The following RBFOX1 variants were observed in gnomAD, a reference collection of about 807,000 sequenced individuals.
The protein encoded by RBFOX1 is RNA binding fox-1 homolog 1, also known as RNA binding protein fox-1 homolog 1.
A neutral mutation model predicts 57.7 loss-of-function variants in RBFOX1; 8 were observed. The observed-to-expected ratio is 0.14, with a 90% CI of 0.08 to 0.25. The LOEUF (loss-of-function observed/expected upper bound fraction) is 0.25. RBFOX1 is among the 10% of genes least tolerant of loss of function. The probability of loss-of-function intolerance (pLI) is 1.00; values close to 1 mark genes in which losing one functional copy is unlikely to be tolerated. For missense variants in RBFOX1, 611 were observed against 548.5 expected (o/e 1.11, Z -1.14); for synonymous variants, 326 against 222.4 (o/e 1.47, Z -4.15).
downstream of RBFOX1, among the ~76,000 whole-genome samples, chr16:5,600,621 C>T (rs1051395593): frequency 6.6e-6 from 1 of 151,988 alleles, no homozygotes; most frequent in African/African-American, 2.4e-5. Context: ...TCTCTAAGGG[C>T]CCACTGCTTG....
Position 5,510,282 on chromosome 16 carries a change from G to T in RBFOX1, c.258+43028G>T, listed in dbSNP as rs72761054. ...TGTCACAGGTGCAGCTGTGAGTTGCGTGGGGTTCAGCAGATCTTGCCTGGG... is the reference window on the plus strand; with the variant it reads ...TGTCACAGGTGCAGCTGTGAGTTGCTTGGGGTTCAGCAGATCTTGCCTGGG... On this transcript the variant is annotated intron_variant, in intron 2 of 2. Transcript: ENST00000585867. 2.0e-5 allele frequency among the ~76,000 whole-genome samples: 3 copies of T among 152,320 alleles called. No individual in the cohort carries two copies. The South Asian group carries it at 6.2e-4, about 32-fold the overall frequency.
chr16:5,279,403 AGTTT>A (rs1412023111), intron 1 of RBFOX1, among the ~76,000 whole-genome samples: 2 of 151,890 alleles, frequency 1.3e-5, no homozygotes, highest in African/African-American at 4.8e-5. Flanking sequence ...TTTTTTAGCT[AGTTT>A]GTTAGTGGTA....
chr16:7,106,833 C>G (rs1010275629), intron 4 of RBFOX1, among the ~76,000 whole-genome samples: 10 of 151,948 alleles, frequency 6.6e-5, no homozygotes, highest in Non-Finnish European at 1.3e-4. Flanking sequence ...AACAGATACA[C>G]AAGCAAACAA....
At chr16:7,259,161 C>T (rs1021285422) in intron 4 of RBFOX1, among the ~76,000 whole-genome samples, 1 of 152,162 alleles carries the variant, frequency 6.6e-6, no homozygotes, top group Non-Finnish European at 1.5e-5. Flanking sequence ...GTTGACACCA[C>T]ATGACCTCTC....
In RBFOX1 at chr16:6,961,097, C is replaced by G. The variant is rs954380392; in HGVS notation, c.-15-90960C>G. On this transcript the variant is annotated intron_variant, in intron 3 of 15. Transcript: ENST00000550418. ...GGCGGGAGTTGCAGTGAGCCGAGAT[C>G]ATGCCACTGCATTCCAGCCTGGGCA... 2.8e-5 allele frequency among the ~76,000 whole-genome samples: 4 copies of G among 144,328 alleles called. No homozygotes were observed. The South Asian group carries it at 8.6e-4, about 31-fold the overall frequency. 94.7% of individuals were successfully genotyped at this position (144,328 alleles called of 152,430 possible).
At chr16:5,499,019 G>T (rs1048944960) in intron 2 of RBFOX1, among the ~76,000 whole-genome samples, 2 of 152,132 alleles carry the variant, frequency 1.3e-5, no homozygotes, top group Admixed American at 1.3e-4. Context: ...CTGGCTTATG[G>T]GTCTCCAGCA....
At chr16:6,142,928 C>G (rs900283588) in intron 1 of RBFOX1, among the ~76,000 whole-genome samples, 1 of 152,210 alleles carries the variant, frequency 6.6e-6, no homozygotes, top group Non-Finnish European at 1.5e-5. Context: ...CCTCTCTTCC[C>G]TCCTCTGTTA....
intron 3 of RBFOX1, among the ~76,000 whole-genome samples, chr16:7,048,752 A>G (rs1343410086): frequency 1.3e-5 from 2 of 151,812 alleles, no homozygotes; most frequent in African/African-American, 4.8e-5. Context: ...GCAAATTTAG[A>G]TTTTCTTGGT....
chr16:6,534,240 C>A (rs2096704584), intron 2 of RBFOX1, among the ~76,000 whole-genome samples: 1 of 151,962 alleles, frequency 6.6e-6, no homozygotes, highest in Admixed American at 6.6e-5. Context: ...GAATTGCTGA[C>A]AAGGACATCA....
chr16:6,977,874 G>A (rs2087496109), intron 3 of RBFOX1, among the ~76,000 whole-genome samples: 1 of 150,838 alleles, frequency 6.6e-6, no homozygotes, highest in Non-Finnish European at 1.5e-5. Flanking sequence ...AGAGAAACAC[G>A]TGAGCTGAGG....
intron 1 of RBFOX1, among the ~76,000 whole-genome samples, chr16:6,270,809 A>G (rs2075123038): frequency 6.6e-6 from 1 of 152,208 alleles, no homozygotes. Context: ...TGGGCCATAA[A>G]ACAAAGTTTA....
intron 11 of RBFOX1, among the ~76,000 whole-genome samples, chr16:7,643,698 T>C (rs1292863897): frequency 2.6e-5 from 4 of 152,086 alleles, no homozygotes; most frequent in Non-Finnish European, 5.9e-5. Context: ...GATGTAGAGG[T>C]AAACCCTAGT....
chr16:5,259,478 C>T (rs1379688644), intron 1 of RBFOX1, among the ~76,000 whole-genome samples: 1 of 152,162 alleles, frequency 6.6e-6, no homozygotes, highest in African/African-American at 2.4e-5. Flanking sequence ...GTATTGTCAT[C>T]ACTTGCATTC....
At chr16:7,035,595 GT>G (rs200143309) in intron 3 of RBFOX1, among the ~76,000 whole-genome samples, 1,573 of 151,920 alleles carry the variant, frequency 0.01, 13 homozygotes, top group Non-Finnish European at 0.015. Context: ...TGCGTTGTTG[GT>G]TTATTATTAT....
At chr16:7,376,521 G>T in intron 4 of RBFOX1, among the ~76,000 whole-genome samples, 1 of 152,136 alleles carries the variant, frequency 6.6e-6, no homozygotes, top group East Asian at 1.9e-4. Flanking sequence ...CTCTGTGTCT[G>T]TGATAAGTCC....
At chr16:6,961,330 C>G (rs1384907904) in intron 3 of RBFOX1, among the ~76,000 whole-genome samples, 1 of 152,178 alleles carries the variant, frequency 6.6e-6, no homozygotes, top group African/African-American at 2.4e-5. Flanking sequence ...AGTGGAGCCC[C>G]TGGGTCCCTG....
At chr16:7,310,120 A>T (rs1040859281) in intron 4 of RBFOX1, among the ~76,000 whole-genome samples, 1 of 152,198 alleles carries the variant, frequency 6.6e-6, no homozygotes, top group African/African-American at 2.4e-5. Flanking sequence ...GGCCCAGAAG[A>T]GCCCTGGCCC....
intron 3 of RBFOX1, among the ~76,000 whole-genome samples, chr16:6,825,847 G>T (rs2092053824): frequency 6.6e-6 from 1 of 152,182 alleles, no homozygotes; most frequent in East Asian, 1.9e-4. Flanking sequence ...CATCCGGAAG[G>T]AGGAATGAAT....
chr16:6,003,770 C>T (rs1202939249), intron 4 of RBFOX1, among the ~76,000 whole-genome samples: 1 of 152,208 alleles, frequency 6.6e-6, no homozygotes, highest in Non-Finnish European at 1.5e-5. Flanking sequence ...GGGTCTCAAT[C>T]TCAAATGCCT....
Sources: allele counts gnomAD v4.1 joint callset (sites outside exome capture counted in the v4.1 genomes callset), GRCh38; gene constraint gnomAD v4.1.1; transcripts MANE v1.5; gene names NCBI Gene and HGNC (gene_info 2026-07-23, HGNC 2026-07-21).